The following CRACR2A variants were observed in gnomAD, a reference collection of about 807,000 sequenced individuals.
CRACR2A encodes the protein calcium release activated channel regulator 2A, also known as EF-hand calcium-binding domain-containing protein 4B.
A neutral mutation model predicts 90.5 loss-of-function variants in CRACR2A; 79 were observed. The ratio of observed to expected loss-of-function variants is 0.87; its 90% CI spans 0.73 to 1.05. CRACR2A has a LOEUF of 1.05. Ranked by LOEUF, CRACR2A falls within the 50% of genes least tolerant of loss-of-function variation. The pLI is 0.00. For synonymous variants in CRACR2A, 338 were observed against 356.7 expected (o/e 0.95, Z 0.59); for missense variants, 823 against 897.2 (o/e 0.92, Z 1.06).
intron 2 of CRACR2A, among the ~76,000 whole-genome samples, chr12:3,720,271 AAG>A (rs1220197044): frequency 3.8e-4 from 55 of 144,104 alleles, no homozygotes; most frequent in African/African-American, 9.9e-4. Context: ...GAAAGAAAGA[AAG>A]AGAGAGAGAA....
At chr12:3,737,305 G>C (rs1946462133) in intron 1 of CRACR2A, among the ~76,000 whole-genome samples, 1 of 152,164 alleles carries the variant, frequency 6.6e-6, no homozygotes, top group African/African-American at 2.4e-5. Flanking sequence ...GAAATGGAAG[G>C]AAACCAGGGT....
intron 7 of CRACR2A, among the ~76,000 whole-genome samples, chr12:3,666,163 G>T (rs1285560162): frequency 6.6e-6 from 1 of 152,054 alleles, no homozygotes; most frequent in Non-Finnish European, 1.5e-5. Context: ...ACAGCAGAGG[G>T]GAGAGAGTAC....
chr12:3,746,791 A>G lies in CRACR2A; in HGVS notation c.-387+6224T>C, dbSNP rs1946634607. Among the ~76,000 whole-genome samples the G allele has an allele frequency of 6.6e-6, 1 of 152,180 alleles. No homozygotes were observed. Among genetic ancestry groups the G allele is most frequent in the Non-Finnish European group, 1.5e-5 (1 of 68,020 alleles). ...AATTTCAATCCAAGACAAGCACAAC[A>G]AGTTGTGAAGGACCAACAAGGGGAG... is the stretch of plus-strand genomic sequence containing the variant. On this transcript the variant is annotated intron_variant, in intron 1 of 19. Coordinates refer to ENST00000440314, the MANE Select transcript of CRACR2A (RefSeq NM_001144958.2). The surrounding 1 kb of genome is among the most constrained non-coding windows in gnomAD (Gnocchi z 4.4).
intron 1 of CRACR2A, among the ~76,000 whole-genome samples, chr12:3,749,625 T>A (rs181653261): frequency 1.3e-5 from 2 of 152,186 alleles, no homozygotes; most frequent in African/African-American, 4.8e-5. Flanking sequence ...TTATTGGGAC[T>A]TCCCCCTGAC....
intron 4 of CRACR2A, among the ~76,000 whole-genome samples, chr12:3,690,452 C>T (rs922702587): frequency 2.0e-5 from 3 of 152,120 alleles, no homozygotes; most frequent in African/African-American, 4.8e-5. Context: ...ATTCAATTTC[C>T]ATGTAATTGT....
At position 3,638,510 on chromosome 12, in the gene CRACR2A, C is replaced by T. The variant is rs897643511; in HGVS notation, c.1272-56G>A. The stretch of plus-strand genomic sequence containing the variant: ...GAGGATTTCACAAAATATTTCAATA[C>T]GGGCTGCATAACAGCTTTTGTGACG... On this transcript the variant is annotated intron_variant, in intron 13 of 19. Transcript: ENST00000440314. 105 of 1,468,738 alleles carry T rather than the reference C, an allele frequency of 7.1e-5. No individual in the cohort carries two copies. In the African/African-American group the frequency reaches 1.3e-3, roughly 18 times the overall value. 91.0% of individuals were successfully genotyped at this position (1,468,738 alleles called of 1,614,324 possible).
chr12:3,687,115 C>A (rs1341328826), intron 4 of CRACR2A, among the ~76,000 whole-genome samples: 1 of 152,008 alleles, frequency 6.6e-6, no homozygotes, highest in Admixed American at 6.5e-5. Context: ...GCCAATCTCA[C>A]AATCCATTTT....
At chr12:3,742,246 C>T (rs1159380199) in intron 1 of CRACR2A, among the ~76,000 whole-genome samples, 2 of 152,198 alleles carry the variant, frequency 1.3e-5, no homozygotes, top group African/African-American at 4.8e-5. Flanking sequence ...ATTGCTCATT[C>T]GGTTTTGGTT....
intron 7 of CRACR2A, among the ~76,000 whole-genome samples, chr12:3,666,270 T>G (rs1476703251): frequency 6.6e-6 from 1 of 151,904 alleles, no homozygotes; most frequent in Non-Finnish European, 1.5e-5. Context: ...GCTCAGGGCA[T>G]TAAACATCTT....
chr12:3,700,675 C>T (rs1288388672), intron 3 of CRACR2A, among the ~76,000 whole-genome samples: 1 of 152,166 alleles, frequency 6.6e-6, no homozygotes, highest in Non-Finnish European at 1.5e-5. Flanking sequence ...TAATGCTAAA[C>T]ACTTATGTGT....
Position 3,732,933 on chromosome 12 carries a change from G to A in CRACR2A, c.-118+9C>T, listed in dbSNP as rs1565506323. ...AGTACCCCCTGAATCCAGGAACTCC[G>A]ATTCTTACCATCAGCAAGACTCCTG... is the stretch of plus-strand genomic sequence containing the variant. On this transcript the variant is annotated intron_variant, in intron 2 of 19. Transcript: ENST00000440314. The A allele has an allele frequency of 6.6e-6, 1 of 152,222 alleles. No homozygotes were observed. The highest frequency in any genetic ancestry group is 1.5e-5 in the Non-Finnish European group (1 of 68,070). 9.4% of individuals were successfully genotyped at this position (152,222 alleles called of 1,614,324 possible).
chr12:3,643,394 C>A (rs1402378924), intron 12 of CRACR2A, among the ~76,000 whole-genome samples: 3 of 152,150 alleles, frequency 2.0e-5, no homozygotes, highest in Admixed American at 6.5e-5. Context: ...CTCAAAGATT[C>A]CTGTTGTATG....
At chr12:3,637,374 T>C (rs1311618046) in intron 14 of CRACR2A, among the ~76,000 whole-genome samples, 1 of 152,226 alleles carries the variant, frequency 6.6e-6, no homozygotes, top group African/African-American at 2.4e-5. Flanking sequence ...CTTTTGAATC[T>C]GAATCGGAAG....
At chr12:3,718,026 C>T (rs1016980859) in intron 2 of CRACR2A, among the ~76,000 whole-genome samples, 2 of 152,156 alleles carry the variant, frequency 1.3e-5, no homozygotes, top group South Asian at 2.1e-4. Flanking sequence ...CCACTTCCTA[C>T]CTGTGATCCT....
At chr12:3,743,595 C>T (rs1269305865) in intron 1 of CRACR2A, among the ~76,000 whole-genome samples, 1 of 152,206 alleles carries the variant, frequency 6.6e-6, no homozygotes, top group Non-Finnish European at 1.5e-5. Flanking sequence ...GGTGTGAACC[C>T]ACACAAGTTG....
intron 1 of CRACR2A, among the ~76,000 whole-genome samples, chr12:3,750,938 C>G (rs933541437): frequency 2.6e-5 from 4 of 152,220 alleles, no homozygotes; most frequent in African/African-American, 9.6e-5. Context: ...CCCCCCACAC[C>G]TGGGGTTCCA....
intron 1 of CRACR2A, among the ~76,000 whole-genome samples, chr12:3,739,305 G>C (rs1946490222): frequency 6.6e-6 from 1 of 152,176 alleles, no homozygotes; most frequent in Non-Finnish European, 1.5e-5. Flanking sequence ...TCAGAGTCTT[G>C]ATTTCTTCAT....
chr12:3,697,342 C>A (rs139097822), intron 3 of CRACR2A, among the ~76,000 whole-genome samples: 65 of 152,330 alleles, frequency 4.3e-4, no homozygotes, highest in African/African-American at 1.5e-3. Flanking sequence ...AACCAAACAA[C>A]AACAAAACAG....
intron 3 of CRACR2A, among the ~76,000 whole-genome samples, chr12:3,701,955 A>C (rs1945841473): frequency 6.6e-6 from 1 of 152,206 alleles, no homozygotes; most frequent in Non-Finnish European, 1.5e-5. Context: ...CCATATAAAA[A>C]GATGATAATC....
Sources: gnomAD v4.1 joint callset for allele counts (sites outside exome capture counted in the v4.1 genomes callset) on GRCh38, gnomAD v4.1.1 for gene constraint, Gnocchi (gnomAD v3.1) non-coding constraint, MANE v1.5 for transcripts, NCBI Gene and HGNC (gene_info 2026-07-23, HGNC 2026-07-21) for gene names.